PIP5K1B: variants seen among roughly 807,000 people sequenced by gnomAD.
The protein encoded by PIP5K1B is phosphatidylinositol 4-phosphate 5-kinase type-1 beta.
A neutral mutation model predicts 67.0 loss-of-function variants in PIP5K1B; 42 were observed. The observed-to-expected ratio is 0.63, with a 90% confidence interval of 0.49 to 0.81. PIP5K1B has a LOEUF of 0.81. Ranked by LOEUF, PIP5K1B falls within the 30% of genes least tolerant of loss-of-function variation. The pLI, the probability that PIP5K1B is intolerant of heterozygous loss-of-function variation, is 0.00. For synonymous variants in PIP5K1B, 214 were observed against 231.4 expected, an observed-to-expected ratio of 0.92 and a Z score of 0.68; for missense variants, 459 against 646.3, an observed-to-expected ratio of 0.71 and a Z score of 3.14.
At chr9:68,920,809 C>CAG (rs1826354260) in intron 11 of PIP5K1B, among the ~76,000 whole-genome samples, 1 of 151,292 alleles carries the variant, frequency 6.6e-6, no homozygotes, top group African/African-American at 2.4e-5. Context: ...CACATACACA[C>CAG]ACACACACAC....
At chr9:68,986,812 A>G (rs1413518125) in intron 14 of PIP5K1B, among the ~76,000 whole-genome samples, 3 of 152,252 alleles carry the variant, frequency 2.0e-5, no homozygotes, top group Non-Finnish European at 4.4e-5. Context: ...CCAAAAATAA[A>G]AGGTAACTCT....
intron 2 of PIP5K1B, among the ~76,000 whole-genome samples, chr9:68,768,166 G>A (rs968652306): frequency 3.3e-5 from 5 of 152,160 alleles, no homozygotes; most frequent in African/African-American, 1.2e-4. Flanking sequence ...CAATTGCACA[G>A]CTAGAAAGAA....
chr9:68,731,179 G>A (rs755032805), intron 1 of PIP5K1B, among the ~76,000 whole-genome samples: 1 of 152,238 alleles, frequency 6.6e-6, no homozygotes, highest in Non-Finnish European at 1.5e-5. Context: ...AACGCTTGAT[G>A]TCTAAAGCTT....
intron 8 of PIP5K1B, among the ~76,000 whole-genome samples, chr9:68,915,992 T>C (rs114383337): frequency 0.01 from 1,573 of 152,332 alleles, 29 homozygotes; most frequent in African/African-American, 0.036. Context: ...CCCTCTTTAC[T>C]ATATCATAAA....
intron 2 of PIP5K1B, among the ~76,000 whole-genome samples, chr9:68,817,302 C>T (rs542003658): frequency 5.9e-5 from 9 of 152,276 alleles, no homozygotes; most frequent in South Asian, 4.1e-4. Flanking sequence ...ACCTTTGCAC[C>T]GGAAAGAAAT....
In PIP5K1B at chr9:68,855,904, A is replaced by G. The variant is rs140448871; in HGVS notation, c.70-7933A>G. Among the ~76,000 whole-genome samples, 1,309 of 152,282 alleles carry G rather than the reference A, an allele frequency of 8.6e-3. 20 individuals are homozygous for G. Among genetic ancestry groups the G allele is most frequent in the African/African-American group, 0.03 (1,258 of 41,552 alleles). Reference sequence around the variant, plus strand: ...CATTTCTCAAGTTCTTTCCTGTATTAATTTTCTATTGCTTCTATAACAAAT... The same window carrying G: ...CATTTCTCAAGTTCTTTCCTGTATTGATTTTCTATTGCTTCTATAACAAAT... On this transcript the variant is annotated intron_variant, in intron 4 of 15. Coordinates refer to ENST00000265382, the MANE Select transcript of PIP5K1B (RefSeq NM_003558.4).
At chr9:68,905,370 T>A (rs1255820229) in intron 8 of PIP5K1B, among the ~76,000 whole-genome samples, 1 of 152,098 alleles carries the variant, frequency 6.6e-6, no homozygotes. Flanking sequence ...TTGTGGATTC[T>A]GACGTAAGCC....
intron 14 of PIP5K1B, among the ~76,000 whole-genome samples, chr9:68,989,542 TTTC>T (rs893470568): frequency 6.8e-6 from 1 of 147,944 alleles, no homozygotes; most frequent in African/African-American, 2.5e-5. Context: ...TCTTCTCCAT[TTTC>T]TTTTTTTTTT....
intron 14 of PIP5K1B, among the ~76,000 whole-genome samples, chr9:68,975,850 A>C (rs988948637): frequency 6.6e-6 from 1 of 152,102 alleles, no homozygotes; most frequent in African/African-American, 2.4e-5. Context: ...TTGTGTCTCT[A>C]TGTCCAAACT....
At chr9:68,804,751 C>G (rs946294310) in intron 2 of PIP5K1B, among the ~76,000 whole-genome samples, 1 of 152,046 alleles carries the variant, frequency 6.6e-6, no homozygotes, top group Non-Finnish European at 1.5e-5. Flanking sequence ...ACCACTTCAC[C>G]CAGCTAGAGG....
intron 2 of PIP5K1B, among the ~76,000 whole-genome samples, chr9:68,772,958 A>G (rs1050693470): frequency 1.3e-5 from 2 of 152,156 alleles, no homozygotes; most frequent in African/African-American, 4.8e-5. Flanking sequence ...TTTTATCTTT[A>G]CAACAAAAAG....
intron 4 of PIP5K1B, among the ~76,000 whole-genome samples, chr9:68,842,188 T>A (rs1253952036): frequency 6.6e-6 from 1 of 152,206 alleles, no homozygotes; most frequent in East Asian, 1.9e-4. Flanking sequence ...CCGGCTTTCA[T>A]CTGCTGTGGG....
At position 68,780,585 on chromosome 9, in the gene PIP5K1B, C is replaced by T. The variant is rs777925184; in HGVS notation, c.-85-37876C>T. 3.7e-6 allele frequency: 6 copies of T among 1,614,090 alleles called. No homozygotes were observed. In the Admixed American group the frequency reaches 8.3e-5, roughly 22 times the overall value. ...CTCCCCCAAGCGCATCGATTTCATT[C>T]CTGTGTCACCAGCACCGTCACCCAC... On this transcript the variant is annotated intron_variant, in intron 2 of 15. Transcript: ENST00000265382.
At chr9:68,787,792 CTGACTAGTTTT>C (rs1831714082) in intron 2 of PIP5K1B, among the ~76,000 whole-genome samples, 1 of 152,098 alleles carries the variant, frequency 6.6e-6, no homozygotes, top group African/African-American at 2.4e-5. Flanking sequence ...GCCACCATGC[CTGACTAGTTTT>C]TGTATTTTTA....
At chr9:68,792,603 C>T (rs1832042504) in intron 2 of PIP5K1B, among the ~76,000 whole-genome samples, 1 of 152,016 alleles carries the variant, frequency 6.6e-6, no homozygotes, top group Admixed American at 6.6e-5. Context: ...TTCAGCCTCC[C>T]GAGTAGGTGG....
At chr9:68,826,896 T>G (rs1373158828) in intron 4 of PIP5K1B, among the ~76,000 whole-genome samples, 1 of 151,448 alleles carries the variant, frequency 6.6e-6, no homozygotes, top group African/African-American at 2.4e-5. Flanking sequence ...GGACTACAGG[T>G]GCATGCCGCC....
chr9:68,846,343 A>C (rs941985516), intron 4 of PIP5K1B, among the ~76,000 whole-genome samples: 9 of 152,204 alleles, frequency 5.9e-5, no homozygotes, highest in Admixed American at 5.9e-4. Context: ...AACAATTGCT[A>C]TGCCAGTCAT....
At chr9:68,717,273 TTAGAA>T (rs779526765) in intron 1 of PIP5K1B, among the ~76,000 whole-genome samples, 1 of 152,186 alleles carries the variant, frequency 6.6e-6, no homozygotes, top group Admixed American at 6.5e-5. Flanking sequence ...CCAGGTATTT[TTAGAA>T]TAGAATAAGA....
At chr9:68,920,324 A>G (rs559776566) in intron 11 of PIP5K1B, among the ~76,000 whole-genome samples, 1 of 148,816 alleles carries the variant, frequency 6.7e-6, no homozygotes, top group Non-Finnish European at 1.5e-5. Flanking sequence ...GGATTTCTAC[A>G]TCAACATTTA....
Sources: allele counts gnomAD v4.1 joint callset (sites outside exome capture counted in the v4.1 genomes callset), GRCh38; gene constraint gnomAD v4.1.1; transcripts MANE v1.5; gene names NCBI Gene and HGNC (gene_info 2026-07-23, HGNC 2026-07-21).